The following BTBD8 variants were observed in gnomAD, a reference collection of about 807,000 sequenced individuals.
BTBD8 encodes BTB domain containing 8, also known as BTB/POZ domain-containing protein 8.
A neutral mutation model predicts 162.9 loss-of-function variants in BTBD8; 110 were observed. The observed-to-expected ratio is 0.68, with a 90% CI of 0.58 to 0.79. The LOEUF (loss-of-function observed/expected upper bound fraction) is 0.79. BTBD8 is among the 30% of genes least tolerant of loss of function. The pLI is 0.00. For synonymous variants in BTBD8, 667 were observed against 716.1 expected, an observed-to-expected ratio of 0.93 and a Z score of 1.10; for missense variants, 1,905 against 2,085.4, an observed-to-expected ratio of 0.91 and a Z score of 1.68.
chr1:92,107,816 A>G, intron 3 of BTBD8, 68 bp from the exon 4 acceptor site: 1 of 1,283,160 alleles, frequency 7.8e-7, no homozygotes, highest in South Asian at 1.4e-5. Flanking sequence ...TCTTGATAAT[A>G]ATAGAAAACA....
chr1:92,126,989 A>G (rs1026894693), intron 4 of BTBD8, among the ~76,000 whole-genome samples: 5 of 152,212 alleles, frequency 3.3e-5, no homozygotes, highest in Admixed American at 3.3e-4. Flanking sequence ...AACAGTGGAA[A>G]AATGCTCATT....
intron 1 of BTBD8, among the ~76,000 whole-genome samples, chr1:92,084,866 G>A (rs949278884): frequency 6.6e-6 from 1 of 152,086 alleles, no homozygotes; most frequent in African/African-American, 2.4e-5. Context: ...AGCTTCATCT[G>A]CCACTTCGCA....
intron 9 of BTBD8, among the ~76,000 whole-genome samples, chr1:92,153,081 T>C (rs1650083372): frequency 6.6e-6 from 1 of 152,194 alleles, no homozygotes; most frequent in Non-Finnish European, 1.5e-5. Flanking sequence ...TAACCCCAGA[T>C]TGGCCTTTTA....
At chr1:92,125,776 C>T in intron 4 of BTBD8, 1 of 419,794 alleles carries the variant, frequency 2.4e-6, no homozygotes, top group Non-Finnish European at 4.7e-6. Flanking sequence ...ATATTTGATG[C>T]CATATTTCCA....
intron 4 of BTBD8, among the ~76,000 whole-genome samples, chr1:92,119,287 C>CTTT (rs905843721): frequency 7.5e-6 from 1 of 132,878 alleles, no homozygotes; most frequent in Non-Finnish European, 1.6e-5. Context: ...TTCTTTTTTT[C>CTTT]TTTTTTTTTT....
At chr1:92,105,250 T>A (rs921961698) in intron 3 of BTBD8, among the ~76,000 whole-genome samples, 2 of 147,914 alleles carry the variant, frequency 1.4e-5, no homozygotes, top group African/African-American at 5.0e-5. Context: ...TTTTATTTTT[T>A]AAATTTTTAT....
Position 92,118,803 on chromosome 1 carries a change from C to CTTTTTTTTTTTTTT in BTBD8, c.662+10806_662+10819dup, listed in dbSNP as rs386367658. Reference sequence around the variant, plus strand: ...CTTATAATTTGGCTTTTCTTTCTTTCTTTTTTTTTTTTTTTTTGCTCTATT... The same window carrying CTTTTTTTTTTTTTT: ...CTTATAATTTGGCTTTTCTTTCTTTCTTTTTTTTTTTTTTTTTTTTTTTTTTTTTTTGCTCTATT... On this transcript the variant is annotated intron_variant, in intron 4 of 17. Coordinates refer to ENST00000636805, the MANE Select transcript of BTBD8 (RefSeq NM_001376131.1). Among the ~76,000 whole-genome samples the CTTTTTTTTTTTTTT allele has an allele frequency of 2.4e-3, 230 of 95,206 alleles. 1 individual carries two copies. Among genetic ancestry groups the CTTTTTTTTTTTTTT allele is most frequent in the Middle Eastern group, 0.014 (2 of 146 alleles). 62.5% of individuals were successfully genotyped at this position (95,206 alleles called of 152,430 possible). A position where few individuals can be genotyped will look rare whatever the true frequency, so the allele number is the denominator to read the frequency against.
Position 92,182,126 on chromosome 1 carries a change from AAGG to A in BTBD8, c.4445_4447del (p.Arg1482del), listed in dbSNP as rs757518894. 1 of 1,551,378 alleles carries A rather than the reference AAGG, an allele frequency of 6.4e-7. No individual in the cohort carries two copies. The highest frequency in any genetic ancestry group is 1.4e-5 in the African/African-American group (1 of 73,044). ...ATGGCATTTCTCATGAACATCATGGAAGGACCTGCTATTCCAGATTCTCACGAG... is the reference window on the plus strand; with the variant it reads ...ATGGCATTTCTCATGAACATCATGGAACCTGCTATTCCAGATTCTCACGAG... On this transcript the variant is annotated inframe_deletion, in exon 17 of 18. Transcript: ENST00000636805.
chr1:92,122,100 G>C (rs1267175570), intron 4 of BTBD8, among the ~76,000 whole-genome samples: 1 of 152,068 alleles, frequency 6.6e-6, no homozygotes, highest in East Asian at 1.9e-4. Flanking sequence ...CTTTTGTTCA[G>C]TGTAATGTTT....
In BTBD8 at chr1:92,167,342, C is replaced by G. The variant is rs554916855; in HGVS notation, c.1305+202C>G. 1.1e-4 allele frequency among the ~76,000 whole-genome samples: 16 copies of G among 152,306 alleles called. No homozygotes were observed. In the South Asian group the frequency reaches 2.9e-3, roughly 28 times the overall value. ...CACAAGATGAGAAAGGCGAGAGGGA[C>G]AGGTTTGAGTGCCCTGGCAAGGCAC... On this transcript the variant is annotated intron_variant, in intron 10 of 17. Transcript: ENST00000636805.
intron 1 of BTBD8, among the ~76,000 whole-genome samples, chr1:92,083,135 C>CAA (rs142871617): frequency 1.7e-4 from 16 of 93,342 alleles, no homozygotes; most frequent in East Asian, 3.1e-4. Context: ...GACTCTGTCT[C>CAA]AAAAAAAAAA....
At chr1:92,120,701 C>T (rs1315707643) in intron 4 of BTBD8, among the ~76,000 whole-genome samples, 2 of 152,150 alleles carry the variant, frequency 1.3e-5, no homozygotes, top group Non-Finnish European at 2.9e-5. Context: ...TCATTATAAT[C>T]TTATGGGACC....
chr1:92,080,369 G>C lies in BTBD8; in HGVS notation c.-203G>C, dbSNP rs113055017. 0.011 allele frequency: 7,402 copies of C among 689,626 alleles called. 405 individuals carry two copies. In the African/African-American group the frequency reaches 0.12, roughly 12 times the overall value. The allele number at this position is 689,626 out of a possible 1,614,324, so 42.7% of individuals were successfully genotyped here. Reference sequence around the variant, plus strand: ...TCTTCCTGGGTCAAGAGCCGGCTCGGTTCTGGGATTCTGAGGCTCCCCACC... The same window carrying C: ...TCTTCCTGGGTCAAGAGCCGGCTCGCTTCTGGGATTCTGAGGCTCCCCACC... On this transcript the variant is annotated 5_prime_UTR_variant, in exon 1 of 18. Coordinates refer to ENST00000636805, the MANE Select transcript of BTBD8 (RefSeq NM_001376131.1).
chr1:92,097,512 G>A (rs780855313), intron 2 of BTBD8, among the ~76,000 whole-genome samples: 7 of 152,064 alleles, frequency 4.6e-5, no homozygotes, highest in Non-Finnish European at 8.8e-5. Flanking sequence ...ATCCCAGAAA[G>A]AAGCCCCATA....
chr1:92,139,217 T>C (rs1649708233), intron 5 of BTBD8, 133 bp from the exon 6 acceptor site: 3 of 884,834 alleles, frequency 3.4e-6, no homozygotes, highest in Non-Finnish European at 4.9e-6. Flanking sequence ...ATGGATGTTA[T>C]TTGAAGAGTA....
At chr1:92,142,338 T>C (rs1649797016) in intron 7 of BTBD8, among the ~76,000 whole-genome samples, 1 of 152,156 alleles carries the variant, frequency 6.6e-6, no homozygotes, top group South Asian at 2.1e-4. Flanking sequence ...CTAGAGAATA[T>C]CTGCAATGAG....
intron 9 of BTBD8, among the ~76,000 whole-genome samples, chr1:92,162,626 G>A (rs1650295189): frequency 6.6e-6 from 1 of 152,192 alleles, no homozygotes; most frequent in African/African-American, 2.4e-5. Flanking sequence ...GCTCTGGCTA[G>A]CTGATGCCAC....
Position 92,114,450 on chromosome 1 carries a change from TC to T in BTBD8, c.662+6451del, listed in dbSNP as rs929072902. 2.6e-4 allele frequency among the ~76,000 whole-genome samples: 39 copies of T among 152,226 alleles called. 1 individual carries two copies. Among genetic ancestry groups the T allele is most frequent in the African/African-American group, 9.4e-4 (39 of 41,450 alleles). ...TAAAAAAGTTTTTAAAATCTGGCTTTCCATTTTTAAGGAAAGAATTACAGAC... is the reference window on the plus strand; with the variant it reads ...TAAAAAAGTTTTTAAAATCTGGCTTTCATTTTTAAGGAAAGAATTACAGAC... On this transcript the variant is annotated intron_variant, in intron 4 of 17. Coordinates refer to ENST00000636805, the MANE Select transcript of BTBD8 (RefSeq NM_001376131.1).
intron 4 of BTBD8, among the ~76,000 whole-genome samples, chr1:92,119,781 C>T (rs1035236732): frequency 2.0e-5 from 3 of 151,374 alleles, no homozygotes; most frequent in East Asian, 1.9e-4. Context: ...TGCCCGTCAC[C>T]GAATTTTTTT....
Sources: gnomAD v4.1 joint callset for allele counts (sites outside exome capture counted in the v4.1 genomes callset) on GRCh38, gnomAD v4.1.1 for gene constraint, MANE v1.5 for transcripts, NCBI Gene and HGNC (gene_info 2026-07-23, HGNC 2026-07-21) for gene names.